Variants in NCBP1 observed in about 807,000 individuals in gnomAD.
NCBP1 encodes the protein nuclear cap-binding protein subunit 1.
In NCBP1, 16 loss-of-function variants were observed where a neutral mutation model predicts 111.7. The observed-to-expected ratio is 0.14, with a 90% confidence interval of 0.10 to 0.22. The LOEUF (loss-of-function observed/expected upper bound fraction) is 0.22, where lower values mean the gene tolerates loss of function less well. Among genes scored for constraint, NCBP1 ranks in the 10% least tolerant of loss-of-function variants. The pLI, the probability that NCBP1 is intolerant of heterozygous loss-of-function variation, is 1.00. For synonymous variants in NCBP1, 304 were observed against 314.3 expected, an observed-to-expected ratio of 0.97 and a Z score of 0.35; for missense variants, 607 against 957.5, an observed-to-expected ratio of 0.63 and a Z score of 4.83.
At chr9:97,638,209 GTC>G (rs1827106958) in intron 1 of NCBP1, among the ~76,000 whole-genome samples, 2 of 152,054 alleles carry the variant, frequency 1.3e-5, no homozygotes, top group Non-Finnish European at 1.5e-5. Flanking sequence ...CCCCTTTATA[GTC>G]TCTCAACTAT....
In NCBP1 at chr9:97,671,080, C is replaced by T. The variant is rs759928338; in HGVS notation, c.2260-6C>T. The stretch of plus-strand genomic sequence containing the variant: ...GACCTAACTACCCCCTTTTGTGTGT[C>T]CACAGCATCACCAAATAATCCAGCA... On this transcript the variant is annotated splice_region_variant and splice_polypyrimidine_tract_variant and intron_variant, in intron 22 of 22. Coordinates refer to ENST00000375147, the MANE Select transcript of NCBP1 (RefSeq NM_002486.5). 4 of 1,588,208 alleles carry T rather than the reference C, an allele frequency of 2.5e-6. No individual in the cohort carries two copies. In the East Asian group the frequency reaches 8.9e-5, roughly 35 times the overall value.
At position 97,661,005 on chromosome 9, in the gene NCBP1, A is replaced by C; in HGVS notation, c.1537A>C (p.Thr513Pro). Reference protein sequence around the residue: ...CLAVAFKSKATNDEIFSILKD... With the variant: ...CLAVAFKSKAPNDEIFSILKD... ...AGCTGTTGCCTTTAAAAGTAAGGCA[A>C]CCAATGATGAAATCTTCAGCATTCT... The change falls in exon 16 of 23, where the codon ACC becomes CCC. Residue 513 changes from threonine to proline, a missense_variant. Around this residue, in one of 9 missense-constraint regions of NCBP1, gnomAD observed 282 missense variants for 376.5 expected, o/e 0.75. Transcript: ENST00000375147. The C allele has an allele frequency of 1.2e-6, 2 of 1,612,790 alleles. No homozygotes were observed.
intron 6 of NCBP1, among the ~76,000 whole-genome samples, chr9:97,646,346 A>G (rs2131339186): frequency 6.6e-6 from 1 of 152,268 alleles, no homozygotes; most frequent in Non-Finnish European, 1.5e-5. Flanking sequence ...TGTTAGATAC[A>G]ATAATAATAA....
rs554728724 is a variant in NCBP1, at chr9:97,663,577, C to T, written c.1797+530C>T. 3.4e-3 allele frequency among the ~76,000 whole-genome samples: 522 copies of T among 151,992 alleles called. 1 individual carries two copies. Among genetic ancestry groups the T allele is most frequent in the Non-Finnish European group, 5.4e-3 (364 of 67,952 alleles). On this transcript the variant is annotated intron_variant, in intron 18 of 22. Transcript: ENST00000375147. ...TTGGCTCACTGCAACCTCCGCCTCCCGGGTTCAAGTGATTCCCCTGCCTCA... is the reference window on the plus strand; with the variant it reads ...TTGGCTCACTGCAACCTCCGCCTCCTGGGTTCAAGTGATTCCCCTGCCTCA...
rs1321160823 is a variant in NCBP1 at position 97,664,558 on chromosome 9, G to GT, written c.1901+116dup. ...CCAGGTTGATATTAATATACTAATGGTCCAATCTGGTAGGATTGGACATGG... is the reference window on the plus strand; with the variant it reads ...CCAGGTTGATATTAATATACTAATGGTTCCAATCTGGTAGGATTGGACATGG... On this transcript the variant is annotated intron_variant, in intron 19 of 22. Transcript: ENST00000375147. The GT allele has an allele frequency of 9.2e-6, 6 of 648,702 alleles. No individual in the cohort carries two copies. In the African/African-American group the frequency reaches 1.1e-4, roughly 12 times the overall value. The allele number at this position is 648,702 out of a possible 1,614,324, so 40.2% of individuals were successfully genotyped here.
chr9:97,666,929 T>C, intron 20 of NCBP1, 52 bp downstream of exon 20: 1 of 1,274,546 alleles, frequency 7.8e-7, no homozygotes. Flanking sequence ...CCAGAAACTC[T>C]GGAGAGGATT....
chr9:97,634,104 C>T lies in NCBP1; in HGVS notation c.34+189C>T, dbSNP rs2773348. Among the ~76,000 whole-genome samples the T allele has an allele frequency of 4.8e-3, 737 of 152,336 alleles. 2 individuals carry two copies. Among genetic ancestry groups the T allele is most frequent in the Non-Finnish European group, 8.8e-3 (597 of 68,028 alleles). On this transcript the variant is annotated intron_variant, in intron 1 of 22. Coordinates refer to ENST00000375147, the MANE Select transcript of NCBP1 (RefSeq NM_002486.5). Reference sequence around the variant, plus strand: ...CTAGAAAGCGACTTCTCCCCCGCCCCAGTTCTTTGAGTCAAGGGCCGATCC... The same window carrying T: ...CTAGAAAGCGACTTCTCCCCCGCCCTAGTTCTTTGAGTCAAGGGCCGATCC...
chr9:97,639,812 T>G (rs1827153666), intron 1 of NCBP1, among the ~76,000 whole-genome samples: 1 of 152,172 alleles, frequency 6.6e-6, no homozygotes, highest in South Asian at 2.1e-4. Flanking sequence ...TGGTAAGAGA[T>G]ACAAACAGCA....
At chr9:97,670,001 C>T (rs1293931380) in intron 22 of NCBP1, 1 of 430,094 alleles carries the variant, frequency 2.3e-6, no homozygotes, top group Non-Finnish European at 4.4e-6. Flanking sequence ...CAGCTCACTG[C>T]AACCTCCACC....
intron 8 of NCBP1, 21 bp from the exon 9 acceptor site, chr9:97,650,482 C>A: frequency 6.4e-7 from 1 of 1,567,622 alleles, no homozygotes; most frequent in South Asian, 1.1e-5. Flanking sequence ...CTGTAGTGTA[C>A]ACATTTGGTT....
Position 97,666,786 on chromosome 9 carries a change from A to C in NCBP1, c.1925A>C (p.His642Pro). ...FTRLFVWEIL[H>P]STIRKMNKHV... ...AGATTGTTTGTTTGGGAAATTTTGCACTCTACAATTCGTAAGATGAACAAA... is the reference window on the plus strand; with the variant it reads ...AGATTGTTTGTTTGGGAAATTTTGCCCTCTACAATTCGTAAGATGAACAAA... The change falls in exon 20 of 23, where the codon CAC becomes CCC. Residue 642 changes from histidine (H) to proline (P), a missense_variant. Transcript: ENST00000375147. 6.2e-7 allele frequency: 1 copy of C among 1,604,050 alleles called. No homozygotes were observed. The highest frequency in any genetic ancestry group is 8.5e-7 in the Non-Finnish European group (1 of 1,176,668).
Position 97,633,888 on chromosome 9 carries a change from C to A in NCBP1, c.7C>A (p.Arg3=). ...CGGCGCACCGGAGGGCAGCATGTCGCGGCGGCGGCACAGCGACGAGAACGA... is the reference window on the plus strand; with the variant it reads ...CGGCGCACCGGAGGGCAGCATGTCGAGGCGGCGGCACAGCGACGAGAACGA... MS[R]RRHSDENDGG... Residue 3 remains arginine, a synonymous_variant, in exon 1 of 23, where the codon CGG becomes AGG. Coordinates refer to ENST00000375147, the MANE Select transcript of NCBP1 (RefSeq NM_002486.5). 6.3e-7 allele frequency: 1 copy of A among 1,588,180 alleles called. No individual in the cohort carries two copies. The highest frequency in any genetic ancestry group is 1.1e-5 in the South Asian group (1 of 88,694).
chr9:97,643,138 C>T, intron 3 of NCBP1, 66 bp from the exon 4 acceptor site: 34 of 1,444,042 alleles, frequency 2.4e-5, no homozygotes, highest in Non-Finnish European at 2.9e-5. Flanking sequence ...AAAAGATTCA[C>T]ATAAAATTCA....
rs1828191420 is a variant in NCBP1, at chr9:97,671,457, A to T, written c.*258A>T. On this transcript the variant is annotated 3_prime_UTR_variant, in exon 23 of 23. Transcript: ENST00000375147. ...ACAAATTCTCTGTGATCAGTTTGTT[A>T]TTTTTTTTCTCCTTAAGGCACAAAA... 2.8e-6 allele frequency: 1 copy of T among 363,330 alleles called. No individual in the cohort carries two copies. The highest frequency in any genetic ancestry group is 3.7e-5 in the South Asian group (1 of 27,388). 22.5% of individuals were successfully genotyped at this position (363,330 alleles called of 1,614,324 possible).
At chr9:97,644,936 G>A (rs530082742) in intron 4 of NCBP1, among the ~76,000 whole-genome samples, 181 bp from the exon 5 acceptor site, 10 of 151,340 alleles carry the variant, frequency 6.6e-5, no homozygotes, top group South Asian at 2.1e-4. Flanking sequence ...TTTTTTTCAC[G>A]CATTTAAAAA....
At chr9:97,659,263 T>C (rs905996123) in intron 15 of NCBP1, among the ~76,000 whole-genome samples, 9 of 152,388 alleles carry the variant, frequency 5.9e-5, no homozygotes, top group Non-Finnish European at 1.2e-4. Flanking sequence ...TAAAGTATTA[T>C]ACATTGTTGA....
chr9:97,641,439 A>T, intron 2 of NCBP1, 123 bp from the exon 3 acceptor site: 1 of 698,504 alleles, frequency 1.4e-6, no homozygotes, highest in Non-Finnish European at 1.9e-6. Flanking sequence ...AGGACAGATG[A>T]TTGGTAATGA....
rs574894352 is a variant in NCBP1 at position 97,664,879 on chromosome 9, G to C, written c.1901+436G>C. Among the ~76,000 whole-genome samples, 97 of 152,268 alleles carry C rather than the reference G, an allele frequency of 6.4e-4. 2 individuals are homozygous for C. The highest frequency in any genetic ancestry group is 3.8e-4 in the Non-Finnish European group (26 of 68,024). ...ATCATGGAGGGATCCAGGAAAGCTT[G>C]GTGATTAACAAGACACCTGAGGGAT... On this transcript the variant is annotated intron_variant, in intron 19 of 22. Transcript: ENST00000375147.
chr9:97,636,509 T>TTATATATATTTATATATTA (rs201237105), intron 1 of NCBP1, among the ~76,000 whole-genome samples: 2 of 30,746 alleles, frequency 6.5e-5, no homozygotes, highest in Non-Finnish European at 2.6e-4. Flanking sequence ...TATTTATATA[T>TTATATATATTTATATATTA]TATAAATTTA....
Sources: gnomAD v4.1 joint callset for allele counts (sites outside exome capture counted in the v4.1 genomes callset) on GRCh38, gnomAD v4.1.1 for gene constraint, gnomAD v4.1.1 regional missense constraint, MANE v1.5 for transcripts, NCBI Gene and HGNC (gene_info 2026-07-23, HGNC 2026-07-21) for gene names.